The following KCNH8 variants were observed in gnomAD, a reference collection of about 807,000 sequenced individuals.
KCNH8 encodes the protein voltage-gated delayed rectifier potassium channel KCNH8.
A neutral mutation model predicts 103.6 loss-of-function variants in KCNH8; 70 were observed. The ratio of observed to expected loss-of-function variants is 0.68; its 90% CI spans 0.56 to 0.82. The LOEUF (loss-of-function observed/expected upper bound fraction) is 0.82, where lower values mean the gene tolerates loss of function less well. KCNH8 is among the 40% of genes least tolerant of loss of function. The pLI, the probability that KCNH8 is intolerant of heterozygous loss-of-function variation, is 0.00. For synonymous variants in KCNH8, 498 were observed against 489.4 expected, an observed-to-expected ratio of 1.02 and a Z score of -0.23; for missense variants, 1,217 against 1,329.9, an observed-to-expected ratio of 0.92 and a Z score of 1.32.
At chr3:19,531,584 A>G (rs1322500248) in intron 15 of KCNH8, among the ~76,000 whole-genome samples, 1 of 152,198 alleles carries the variant, frequency 6.6e-6, no homozygotes, top group Non-Finnish European at 1.5e-5. Flanking sequence ...GGCAATTTCA[A>G]GGCAGGTGTT....
intron 3 of KCNH8, among the ~76,000 whole-genome samples, chr3:19,318,693 G>A (rs547951250): frequency 4.7e-5 from 7 of 148,036 alleles, no homozygotes; most frequent in East Asian, 2.0e-4. Context: ...ACACATATAC[G>A]GTAGATCTAC....
rs148196620 is a variant in KCNH8, at chr3:19,305,076, A to C, written c.442+23747A>C. Reference sequence around the variant, plus strand: ...ATCATGACACTGTTAACTGCAAACAAAAAGATAATTCGACTTCCAGAAAAA... The same window carrying C: ...ATCATGACACTGTTAACTGCAAACACAAAGATAATTCGACTTCCAGAAAAA... On this transcript the variant is annotated intron_variant, in intron 3 of 15. Coordinates refer to ENST00000328405, the MANE Select transcript of KCNH8 (RefSeq NM_144633.3). 4.6e-3 allele frequency among the ~76,000 whole-genome samples: 706 copies of C among 152,198 alleles called. 1 individual carries two copies. Among genetic ancestry groups the C allele is most frequent in the Non-Finnish European group, 7.6e-3 (515 of 68,004 alleles).
chr3:19,190,544 C>G (rs924307345), intron 1 of KCNH8, among the ~76,000 whole-genome samples: 2 of 151,898 alleles, frequency 1.3e-5, no homozygotes, highest in African/African-American at 4.8e-5. Context: ...AACCTGGCTG[C>G]TTTGACGGAA....
intron 7 of KCNH8, among the ~76,000 whole-genome samples, chr3:19,426,760 T>C (rs933554499): frequency 6.6e-6 from 1 of 152,136 alleles, no homozygotes; most frequent in Non-Finnish European, 1.5e-5. Context: ...TCAGCCACTT[T>C]AGTCCTGTTC....
rs373030071 is a variant in KCNH8 at position 19,349,846 on chromosome 3, G to A, written c.811+1881G>A. 2.2e-4 allele frequency among the ~76,000 whole-genome samples: 33 copies of A among 152,186 alleles called. No individual in the cohort carries two copies. In the East Asian group the frequency reaches 6.0e-3, roughly 28 times the overall value. On this transcript the variant is annotated intron_variant, in intron 5 of 15. Coordinates refer to ENST00000328405, the MANE Select transcript of KCNH8 (RefSeq NM_144633.3). ...GTTTTTTATTACTGTCATTTCGACT[G>A]TGCTTCAGCAGCAAGATGGTTCTCC...
intron 7 of KCNH8, among the ~76,000 whole-genome samples, chr3:19,430,756 G>A (rs1057375220): frequency 6.6e-6 from 1 of 151,970 alleles, no homozygotes; most frequent in Non-Finnish European, 1.5e-5. Context: ...ACTGTGAATG[G>A]GAGTTTGCTT....
intron 3 of KCNH8, among the ~76,000 whole-genome samples, chr3:19,320,575 G>T (rs1421847479): frequency 6.6e-6 from 1 of 151,756 alleles, no homozygotes; most frequent in Non-Finnish European, 1.5e-5. Context: ...TTGGGTTTGG[G>T]TCACTAGTAT....
chr3:19,307,256 G>A (rs1167521412), intron 3 of KCNH8, among the ~76,000 whole-genome samples: 1 of 151,710 alleles, frequency 6.6e-6, no homozygotes, highest in African/African-American at 2.4e-5. Flanking sequence ...GATTTCAACA[G>A]ACATTTTTCA....
chr3:19,406,857 C>T (rs1236007709), intron 7 of KCNH8, among the ~76,000 whole-genome samples: 2 of 152,126 alleles, frequency 1.3e-5, no homozygotes, highest in Non-Finnish European at 2.9e-5. Flanking sequence ...TGGCCCTACA[C>T]CTCAGATTTC....
chr3:19,402,872 A>G (rs914432270), intron 7 of KCNH8, among the ~76,000 whole-genome samples: 1 of 151,886 alleles, frequency 6.6e-6, no homozygotes, highest in African/African-American at 2.4e-5. Context: ...CTCATCATTT[A>G]TACTGTACGA....
At chr3:19,347,491 G>A (rs767541020) in intron 4 of KCNH8, among the ~76,000 whole-genome samples, 3 of 151,932 alleles carry the variant, frequency 2.0e-5, no homozygotes, top group Non-Finnish European at 4.4e-5. Context: ...CAAAATCTGG[G>A]TTACTCACTT....
intron 11 of KCNH8, among the ~76,000 whole-genome samples, chr3:19,501,997 T>G (rs1242452886): frequency 2.0e-5 from 3 of 152,070 alleles, no homozygotes; most frequent in Admixed American, 1.3e-4. Context: ...TGTTTGCAGA[T>G]GACATGATTG....
chr3:19,359,984 T>G (rs1267990724), intron 5 of KCNH8, among the ~76,000 whole-genome samples: 1 of 151,940 alleles, frequency 6.6e-6, no homozygotes, highest in Non-Finnish European at 1.5e-5. Flanking sequence ...TAATGCCAAA[T>G]AGAGAATAAA....
intron 11 of KCNH8, among the ~76,000 whole-genome samples, chr3:19,486,524 G>A (rs1446971854): frequency 6.6e-6 from 1 of 152,184 alleles, no homozygotes; most frequent in Non-Finnish European, 1.5e-5. Flanking sequence ...TAGTTGTTTT[G>A]AGAGATAGGC....
intron 1 of KCNH8, among the ~76,000 whole-genome samples, chr3:19,150,641 G>A (rs940535388): frequency 6.6e-6 from 1 of 152,180 alleles, no homozygotes; most frequent in African/African-American, 2.4e-5. Flanking sequence ...AGGGCATGTA[G>A]GGAGAGATGG....
intron 1 of KCNH8, among the ~76,000 whole-genome samples, chr3:19,160,764 A>G (rs947703687): frequency 1.3e-5 from 2 of 152,152 alleles, no homozygotes; most frequent in African/African-American, 2.4e-5. Flanking sequence ...CAGGATGTGA[A>G]CTATCTCTTT....
At chr3:19,458,199 T>C (rs1329714145) in intron 11 of KCNH8, among the ~76,000 whole-genome samples, 1 of 151,912 alleles carries the variant, frequency 6.6e-6, no homozygotes, top group Non-Finnish European at 1.5e-5. Context: ...AAAACATATA[T>C]TGTTTCTGTT....
intron 10 of KCNH8, among the ~76,000 whole-genome samples, chr3:19,455,731 T>G (rs1207741497): frequency 6.6e-6 from 1 of 152,102 alleles, no homozygotes; most frequent in Non-Finnish European, 1.5e-5. Context: ...CTTTCTAGGA[T>G]GCCAAGATTG....
At position 19,494,408 on chromosome 3, in the gene KCNH8, C is replaced by A. The variant is rs568814056; in HGVS notation, c.2041-15955C>A. The stretch of plus-strand genomic sequence containing the variant: ...GATTTTGAAAACAGGAGTTTCCCTA[C>A]ACAAGCTCTCTCTTTGCCTGCTGTC... On this transcript the variant is annotated intron_variant, in intron 11 of 15. Coordinates refer to ENST00000328405, the MANE Select transcript of KCNH8 (RefSeq NM_144633.3). Among the ~76,000 whole-genome samples, 3 of 152,270 alleles carry A rather than the reference C, an allele frequency of 2.0e-5. No homozygotes were observed. The East Asian group carries it at 5.8e-4, about 29-fold the overall frequency.
Sources: gnomAD v4.1 joint callset for allele counts (sites outside exome capture counted in the v4.1 genomes callset) on GRCh38, gnomAD v4.1.1 for gene constraint, MANE v1.5 for transcripts, NCBI Gene and HGNC (gene_info 2026-07-23, HGNC 2026-07-21) for gene names.